The following GULP1 variants were observed in gnomAD, a reference collection of about 807,000 sequenced individuals.
GULP1 encodes the protein PTB domain-containing engulfment adapter protein 1.
GULP1 carries 19 observed loss-of-function variants against 40.9 expected under a neutral mutation model. That is an observed-to-expected ratio of 0.46 (90% CI 0.32 to 0.68). The LOEUF is 0.68. Among genes scored for constraint, GULP1 ranks in the 30% least tolerant of loss-of-function variants. The pLI is 0.03. For synonymous variants in GULP1, 119 were observed against 117.6 expected (o/e 1.01, Z -0.08); for missense variants, 312 against 362.2 (o/e 0.86, Z 1.12).
chr2:188,420,452 G>T (rs568493338), intron 2 of GULP1, among the ~76,000 whole-genome samples: 1 of 152,210 alleles, frequency 6.6e-6, no homozygotes, highest in African/African-American at 2.4e-5. Flanking sequence ...CACTCCTGTA[G>T]TTTGGTGGGC....
intron 9 of GULP1, among the ~76,000 whole-genome samples, chr2:188,579,787 G>T (rs1195867626): frequency 1.3e-5 from 2 of 152,054 alleles, no homozygotes; most frequent in African/African-American, 2.4e-5. Flanking sequence ...CTCCCCAGAG[G>T]AAGTAGTACT....
At chr2:188,553,397 T>C (rs1693987973) in intron 7 of GULP1, among the ~76,000 whole-genome samples, 1 of 152,082 alleles carries the variant, frequency 6.6e-6, no homozygotes, top group Non-Finnish European at 1.5e-5. Context: ...CTTTATCAAA[T>C]TCTTTTTCTG....
intron 2 of GULP1, among the ~76,000 whole-genome samples, chr2:188,443,814 G>A (rs935079246): frequency 1.3e-5 from 2 of 151,548 alleles, no homozygotes; most frequent in African/African-American, 4.9e-5. Context: ...AACCTCCTGA[G>A]TAGCTGGGAT....
intron 1 of GULP1, among the ~76,000 whole-genome samples, chr2:188,363,751 A>G (rs970899123): frequency 6.6e-6 from 1 of 152,172 alleles, no homozygotes; most frequent in African/African-American, 2.4e-5. Context: ...GTTGAGTGAA[A>G]GGAAGAAATA....
chr2:188,420,958 T>G (rs2055321547), intron 2 of GULP1, among the ~76,000 whole-genome samples: 1 of 152,108 alleles, frequency 6.6e-6, no homozygotes, highest in Non-Finnish European at 1.5e-5. Context: ...CTGTCTCCTG[T>G]CGCTATCAGT....
chr2:188,303,827 G>A (rs1370739910), intron 1 of GULP1, among the ~76,000 whole-genome samples: 1 of 152,134 alleles, frequency 6.6e-6, no homozygotes, highest in Non-Finnish European at 1.5e-5. Flanking sequence ...TGCTTTATGA[G>A]ATCATGACCT....
chr2:188,406,569 T>G (rs2053135391), intron 2 of GULP1, among the ~76,000 whole-genome samples: 1 of 151,620 alleles, frequency 6.6e-6, no homozygotes, highest in African/African-American at 2.4e-5. Flanking sequence ...ATACAATTAA[T>G]GAAATAAAAA....
chr2:188,592,975 A>G (rs1196664289), intron 11 of GULP1: 1 of 152,086 alleles, frequency 6.6e-6, no homozygotes, highest in Non-Finnish European at 1.5e-5. Flanking sequence ...CAAATTACAA[A>G]TTACCTTTCT....
chr2:188,357,684 G>A (rs7420700), intron 1 of GULP1, among the ~76,000 whole-genome samples: 30,692 of 151,980 alleles, frequency 0.2, 3,293 homozygotes, highest in African/African-American at 0.27. Context: ...ATGATCAGCA[G>A]TCTCACTACT....
intron 1 of GULP1, among the ~76,000 whole-genome samples, chr2:188,352,649 C>CACACACAT (rs374718200): frequency 1.0e-4 from 15 of 146,212 alleles, no homozygotes; most frequent in African/African-American, 3.2e-4. Flanking sequence ...CACACACACA[C>CACACACAT]GGTTCTGTTT....
At chr2:188,522,025 G>A (rs982996177) in intron 4 of GULP1, among the ~76,000 whole-genome samples, 8 of 152,126 alleles carry the variant, frequency 5.3e-5, no homozygotes, top group African/African-American at 1.9e-4. Flanking sequence ...GCAGTGAGCC[G>A]AGATAGCGCC....
chr2:188,522,294 G>C (rs1407501571), intron 4 of GULP1, among the ~76,000 whole-genome samples: 1 of 151,786 alleles, frequency 6.6e-6, no homozygotes, highest in African/African-American at 2.4e-5. Context: ...GGCATCAGCA[G>C]GCAGAGGCAA....
chr2:188,482,426 T>A (rs938030628), intron 3 of GULP1, among the ~76,000 whole-genome samples: 1 of 151,842 alleles, frequency 6.6e-6, no homozygotes, highest in Non-Finnish European at 1.5e-5. Context: ...GTAAAATAAA[T>A]CTTTGATTTT....
At chr2:188,395,924 G>C (rs540327610) in intron 2 of GULP1, among the ~76,000 whole-genome samples, 1 of 152,160 alleles carries the variant, frequency 6.6e-6, no homozygotes, top group Non-Finnish European at 1.5e-5. Flanking sequence ...TAGTGTGTTG[G>C]CTTTCTCAAA....
At position 188,443,791 on chromosome 2, in the gene GULP1, A is replaced by G. The variant is rs553197146; in HGVS notation, c.-44-33868A>G. Among the ~76,000 whole-genome samples, 464 of 151,938 alleles carry G rather than the reference A, an allele frequency of 3.1e-3. 1 individual carries two copies. The highest frequency in any genetic ancestry group is 6.8e-3 in the Middle Eastern group (2 of 294). ...CACCTCCGCCTCCCGGGTTCAAGCA[A>G]TTCTCCTGCCTCAACCTCCTGAGTA... On this transcript the variant is annotated intron_variant, in intron 2 of 11. Coordinates refer to ENST00000409830, the MANE Select transcript of GULP1 (RefSeq NM_016315.4).
chr2:188,560,823 A>T, intron 7 of GULP1, among the ~76,000 whole-genome samples: 1 of 152,106 alleles, frequency 6.6e-6, no homozygotes, highest in Middle Eastern at 3.2e-3. Flanking sequence ...GAGGTGCTCC[A>T]TACTTTTAAG....
chr2:188,568,384 T>A (rs1698280224), intron 7 of GULP1, among the ~76,000 whole-genome samples: 1 of 152,188 alleles, frequency 6.6e-6, no homozygotes, highest in Non-Finnish European at 1.5e-5. Context: ...AGTAAATAAA[T>A]CTTTAGTCTT....
chr2:188,472,831 G>T (rs916524870), intron 2 of GULP1, among the ~76,000 whole-genome samples: 2 of 152,146 alleles, frequency 1.3e-5, no homozygotes, highest in African/African-American at 2.4e-5. Context: ...TACCTGGATT[G>T]TCCTAGTACT....
chr2:188,531,289 T>A (rs1331366512), intron 6 of GULP1, among the ~76,000 whole-genome samples: 2 of 152,186 alleles, frequency 1.3e-5, no homozygotes, highest in Non-Finnish European at 2.9e-5. Flanking sequence ...GTAGGCCTCA[T>A]TTTCAAATTG....
Sources: allele counts gnomAD v4.1 joint callset (sites outside exome capture counted in the v4.1 genomes callset), GRCh38; gene constraint gnomAD v4.1.1; transcripts MANE v1.5; gene names NCBI Gene and HGNC (gene_info 2026-07-23, HGNC 2026-07-21).